NKAIN2: variants seen among roughly 807,000 people sequenced by gnomAD.
NKAIN2 encodes the protein sodium/potassium-transporting ATPase subunit beta-1-interacting protein 2.
NKAIN2 carries 14 observed loss-of-function variants against 32.6 expected under a neutral mutation model. The observed-to-expected ratio is 0.43, with a 90% CI of 0.28 to 0.67. The LOEUF (loss-of-function observed/expected upper bound fraction) is 0.67, where lower values mean the gene tolerates loss of function less well. Ranked by LOEUF, NKAIN2 falls within the 30% of genes least tolerant of loss-of-function variation. NKAIN2 has a pLI of 0.17. For missense variants in NKAIN2, 198 were observed against 258.3 expected (o/e 0.77, Z 1.60); for synonymous variants, 80 against 87.2 (o/e 0.92, Z 0.46).
chr6:124,041,177 T>C (rs888114218), intron 1 of NKAIN2, among the ~76,000 whole-genome samples: 5 of 152,054 alleles, frequency 3.3e-5, no homozygotes, highest in African/African-American at 1.2e-4. Flanking sequence ...CAATATCTAT[T>C]GAGCTTTCTT....
chr6:124,556,463 T>G (rs1027271793), intron 3 of NKAIN2, among the ~76,000 whole-genome samples: 11 of 152,170 alleles, frequency 7.2e-5, no homozygotes, highest in African/African-American at 1.9e-4. Flanking sequence ...AGGTTGGCTA[T>G]CACAGGAGTG....
chr6:124,062,331 G>A (rs1029367870), intron 1 of NKAIN2, among the ~76,000 whole-genome samples: 1 of 152,150 alleles, frequency 6.6e-6, no homozygotes, highest in African/African-American at 2.4e-5. Context: ...GTGACAATGA[G>A]TAGCTTCATG....
chr6:124,145,545 A>G (rs557304705), intron 1 of NKAIN2, among the ~76,000 whole-genome samples: 17 of 152,098 alleles, frequency 1.1e-4, no homozygotes, highest in Non-Finnish European at 2.4e-4. Context: ...TCACTCTGTC[A>G]CCCAGGCTGG....
At chr6:124,006,572 A>G (rs1256100076) in intron 1 of NKAIN2, among the ~76,000 whole-genome samples, 1 of 152,168 alleles carries the variant, frequency 6.6e-6, no homozygotes, top group Non-Finnish European at 1.5e-5. Flanking sequence ...TTAGACATCA[A>G]ACTGTCTTTC....
intron 2 of NKAIN2, among the ~76,000 whole-genome samples, chr6:124,319,655 A>C (rs180892812): frequency 3.1e-4 from 47 of 152,222 alleles, no homozygotes; most frequent in Admixed American, 2.8e-3. Flanking sequence ...GCGAGTGCTA[A>C]AATGTTATTA....
chr6:124,577,126 G>T (rs1781362444), intron 3 of NKAIN2, among the ~76,000 whole-genome samples: 2 of 151,256 alleles, frequency 1.3e-5, no homozygotes, highest in Non-Finnish European at 2.9e-5. Flanking sequence ...TAAAAAATGA[G>T]CAAGAAAGGA....
chr6:124,604,765 T>A (rs1356256496), intron 3 of NKAIN2, among the ~76,000 whole-genome samples: 1 of 151,992 alleles, frequency 6.6e-6, no homozygotes, highest in Non-Finnish European at 1.5e-5. Context: ...TACTTTATTC[T>A]TTGCATGTAA....
chr6:124,337,648 T>A (rs1583071173), intron 2 of NKAIN2, among the ~76,000 whole-genome samples: 1 of 152,222 alleles, frequency 6.6e-6, no homozygotes, highest in African/African-American at 2.4e-5. Context: ...ATTAATTGGA[T>A]CAGCCACATG....
chr6:124,794,636 G>A (rs1054663694), intron 5 of NKAIN2, among the ~76,000 whole-genome samples: 2 of 152,070 alleles, frequency 1.3e-5, no homozygotes, highest in South Asian at 2.1e-4. Flanking sequence ...GTAGACTGAC[G>A]CTTGCCTCAG....
intron 1 of NKAIN2, among the ~76,000 whole-genome samples, chr6:124,035,632 A>G (rs2114797103): frequency 6.6e-6 from 1 of 152,266 alleles, no homozygotes; most frequent in Middle Eastern, 3.4e-3. Context: ...TGATGGGCAC[A>G]CAAAAGTGCT....
chr6:124,261,888 A>C (rs938429177), intron 1 of NKAIN2, among the ~76,000 whole-genome samples: 1 of 151,214 alleles, frequency 6.6e-6, no homozygotes, highest in Non-Finnish European at 1.5e-5. Flanking sequence ...AAAAATTTTG[A>C]AATGGGGACA....
Position 123,806,696 on chromosome 6 carries a change from GT to G in NKAIN2, c.54+2446del, listed in dbSNP as rs559245367. 3.9e-5 allele frequency among the ~76,000 whole-genome samples: 6 copies of G among 152,018 alleles called. No individual in the cohort carries two copies. In the South Asian group the frequency reaches 1.2e-3, roughly 32 times the overall value. ...ATTGACTGAAATAAAAGTTAACCCA[GT>G]TTTGTTTACTTCTCAAGTGTTTAGT... On this transcript the variant is annotated intron_variant, in intron 1 of 6. Coordinates refer to ENST00000368417, the MANE Select transcript of NKAIN2 (RefSeq NM_001040214.3).
chr6:123,817,757 G>C (rs931610615), intron 1 of NKAIN2, among the ~76,000 whole-genome samples: 3 of 152,152 alleles, frequency 2.0e-5, no homozygotes, highest in African/African-American at 7.2e-5. Flanking sequence ...GCAGGCACAT[G>C]AATAGTGGGT....
intron 1 of NKAIN2, among the ~76,000 whole-genome samples, chr6:123,939,978 G>A (rs951058763): frequency 2.0e-5 from 3 of 151,890 alleles, no homozygotes; most frequent in Non-Finnish European, 2.9e-5. Context: ...CCAGTGATAG[G>A]CAGTTTCTTT....
chr6:124,083,314 A>G (rs937989814), intron 1 of NKAIN2, among the ~76,000 whole-genome samples: 2 of 151,906 alleles, frequency 1.3e-5, no homozygotes, highest in Non-Finnish European at 2.9e-5. Context: ...CATGCATAAC[A>G]TCTAATAGAG....
At chr6:124,675,718 G>C (rs921821197) in intron 4 of NKAIN2, among the ~76,000 whole-genome samples, 2 of 151,470 alleles carry the variant, frequency 1.3e-5, no homozygotes, top group African/African-American at 4.9e-5. Context: ...TTCTGATTTT[G>C]AGTCTTCTTT....
At chr6:124,071,396 C>A (rs1046606752) in intron 1 of NKAIN2, among the ~76,000 whole-genome samples, 3 of 152,116 alleles carry the variant, frequency 2.0e-5, no homozygotes, top group Non-Finnish European at 4.4e-5. Context: ...AAACATCATT[C>A]TAGACATCAG....
intron 1 of NKAIN2, among the ~76,000 whole-genome samples, chr6:123,949,376 G>T (rs1777221341): frequency 6.6e-6 from 1 of 151,978 alleles, no homozygotes; most frequent in Non-Finnish European, 1.5e-5. Context: ...CATTGAATCT[G>T]TAGATTGCTT....
At chr6:124,331,379 A>AAAAAAAAAAC (rs1797651235) in intron 2 of NKAIN2, among the ~76,000 whole-genome samples, 1 of 126,740 alleles carries the variant, frequency 7.9e-6, no homozygotes, top group African/African-American at 2.8e-5. Flanking sequence ...AAAAAAAAAA[A>AAAAAAAAAAC]CTAGCTGGGC....
Sources: allele counts gnomAD v4.1 joint callset (sites outside exome capture counted in the v4.1 genomes callset), GRCh38; gene constraint gnomAD v4.1.1; transcripts MANE v1.5; gene names NCBI Gene and HGNC (gene_info 2026-07-23, HGNC 2026-07-21).